The following CCDC60 variants were observed in gnomAD, a reference collection of about 807,000 sequenced individuals.
The protein encoded by CCDC60 is coiled-coil domain-containing protein 60.
Under a neutral mutation model 63.5 loss-of-function variants are expected in CCDC60, and 54 were observed. That is an observed-to-expected ratio of 0.85 (90% CI 0.68 to 1.07). CCDC60 has a LOEUF of 1.07. Among genes scored for constraint, CCDC60 ranks in the 50% least tolerant of loss-of-function variants. CCDC60 has a pLI of 0.00. For missense variants in CCDC60, 651 were observed against 684.3 expected (o/e 0.95, Z 0.54); for synonymous variants, 206 against 238.8 (o/e 0.86, Z 1.27).
intron 1 of CCDC60, among the ~76,000 whole-genome samples, chr12:119,355,505 T>C (rs1955707543): frequency 6.6e-6 from 1 of 152,200 alleles, no homozygotes; most frequent in African/African-American, 2.4e-5. Flanking sequence ...TCAAAACCCA[T>C]TTGCAGCACA....
intron 7 of CCDC60, among the ~76,000 whole-genome samples, chr12:119,507,600 A>T (rs1339661237): frequency 0.04 from 862 of 21,620 alleles, 79 homozygotes; most frequent in East Asian, 0.2. Flanking sequence ...ACATATATAT[A>T]TATATATATA....
At chr12:119,472,763 A>C (rs1951093825) in intron 3 of CCDC60, among the ~76,000 whole-genome samples, 1 of 151,560 alleles carries the variant, frequency 6.6e-6, no homozygotes. Flanking sequence ...TTGTATTTTT[A>C]ATAGAGACGG....
In CCDC60 at chr12:119,420,919, G is replaced by A. The variant is rs767245354; in HGVS notation, c.91-7764G>A. Among the ~76,000 whole-genome samples, 25 of 152,062 alleles carry A rather than the reference G, an allele frequency of 1.6e-4. No homozygotes were observed. The highest frequency in any genetic ancestry group is 2.6e-4 in the Non-Finnish European group (18 of 68,024). On this transcript the variant is annotated intron_variant, in intron 1 of 13. Coordinates refer to ENST00000327554, the MANE Select transcript of CCDC60 (RefSeq NM_178499.5). The surrounding 1 kb of genome is among the most constrained non-coding windows in gnomAD (Gnocchi z 4.1). ...CATCCGTGTGCAAGCTAAGGTCTCC[G>A]GGTTCATGTGTGTACTCCTGCCATG...
chr12:119,353,454 C>T (rs890412490), intron 1 of CCDC60, among the ~76,000 whole-genome samples: 1 of 150,514 alleles, frequency 6.6e-6, no homozygotes, highest in Non-Finnish European at 1.5e-5. Flanking sequence ...CTCTCTCTCT[C>T]TCTCACTCTC....
At position 119,420,258 on chromosome 12, in the gene CCDC60, A is replaced by G. The variant is rs1357707808; in HGVS notation, c.91-8425A>G. On this transcript the variant is annotated intron_variant, in intron 1 of 13. Coordinates refer to ENST00000327554, the MANE Select transcript of CCDC60 (RefSeq NM_178499.5). The surrounding 1 kb of genome is among the most constrained non-coding windows in gnomAD (Gnocchi z 4.1). ...GAGGTCACTAATTCTGGGTATCTCT[A>G]TGTGGGTAGGTACACATCTTACATT... 6.6e-6 allele frequency among the ~76,000 whole-genome samples: 1 copy of G among 152,058 alleles called. No homozygotes were observed. Among genetic ancestry groups the G allele is most frequent in the Non-Finnish European group, 1.5e-5 (1 of 68,016 alleles).
At position 119,335,041 on chromosome 12, in the gene CCDC60, T is replaced by C; in HGVS notation, c.-136T>C. On this transcript the variant is annotated 5_prime_UTR_variant, in exon 1 of 14. Transcript: ENST00000327554. ...CATTACTCTTCAGAAGGAAACCGCT[T>C]TGGAGTTCGTGTAATTGGGACTTGG... The C allele has an allele frequency of 1.5e-6, 1 of 653,726 alleles. No homozygotes were observed. The highest frequency in any genetic ancestry group is 2.6e-6 in the Non-Finnish European group (1 of 378,576). 40.5% of individuals were successfully genotyped at this position (653,726 alleles called of 1,614,324 possible).
intron 5 of CCDC60, among the ~76,000 whole-genome samples, chr12:119,498,176 G>A (rs1272626943): frequency 1.3e-5 from 2 of 152,224 alleles, no homozygotes; most frequent in African/African-American, 4.8e-5. Flanking sequence ...TCCATGCCAT[G>A]AGAAGTCAGC....
intron 11 of CCDC60, among the ~76,000 whole-genome samples, chr12:119,526,461 A>G (rs999332111): frequency 1.3e-5 from 2 of 152,240 alleles, no homozygotes; most frequent in Non-Finnish European, 2.9e-5. Context: ...GATGCTATCA[A>G]CCGAGTAAAC....
At chr12:119,475,232 G>T (rs758167301) in intron 3 of CCDC60, among the ~76,000 whole-genome samples, 6 of 152,182 alleles carry the variant, frequency 3.9e-5, no homozygotes, top group Non-Finnish European at 7.3e-5. Flanking sequence ...TTTTTCAGGA[G>T]CTATGCTCAG....
Position 119,479,160 on chromosome 12 carries a change from C to G in CCDC60, c.408C>G (p.Ile136Met), listed in dbSNP as rs762470910. 6 of 1,614,030 alleles carry G rather than the reference C, an allele frequency of 3.7e-6. No homozygotes were observed. The Admixed American group carries it at 8.3e-5, about 22-fold the overall frequency. The change falls in exon 4 of 14, where the codon ATC becomes ATG. Residue 136 changes from isoleucine to methionine, a missense_variant. Coordinates refer to ENST00000327554, the MANE Select transcript of CCDC60 (RefSeq NM_178499.5). ...TCACACGTCGCCCATTCACTCCCAT[C>G]CACAGCTGCATCATTTCTCCCTCGC... ...ARVTRRPFTPIHSCIISPSLT... is the reference protein window; with the variant it reads ...ARVTRRPFTPMHSCIISPSLT...
chr12:119,365,076 C>G (rs1955827773), intron 1 of CCDC60, among the ~76,000 whole-genome samples: 1 of 152,198 alleles, frequency 6.6e-6, no homozygotes, highest in Non-Finnish European at 1.5e-5. Context: ...CCTCAGAACA[C>G]CTGTGAGAAG....
At chr12:119,538,914 T>C (rs181433322) in intron 13 of CCDC60, among the ~76,000 whole-genome samples, 1 of 152,348 alleles carries the variant, frequency 6.6e-6, no homozygotes, top group African/African-American at 2.4e-5. Context: ...GCTATTCCTT[T>C]CTGTTTGTTA....
intron 1 of CCDC60, among the ~76,000 whole-genome samples, chr12:119,409,378 T>G (rs1435773707): frequency 6.6e-6 from 1 of 152,080 alleles, no homozygotes; most frequent in Non-Finnish European, 1.5e-5. Flanking sequence ...ACTTACTAGA[T>G]GCACCACCCC....
intron 1 of CCDC60, among the ~76,000 whole-genome samples, chr12:119,399,973 G>A (rs1050165096): frequency 2.6e-5 from 4 of 151,880 alleles, no homozygotes; most frequent in African/African-American, 7.3e-5. Context: ...CTATTTCAAG[G>A]TGAAAATGCT....
intron 1 of CCDC60, among the ~76,000 whole-genome samples, chr12:119,394,842 GCATA>G (rs1435863144): frequency 6.6e-6 from 1 of 152,204 alleles, no homozygotes; most frequent in Non-Finnish European, 1.5e-5. Context: ...AGGGGCAGAT[GCATA>G]AAACAAGTAA....
At chr12:119,498,058 T>C (rs981019439) in intron 5 of CCDC60, among the ~76,000 whole-genome samples, 3 of 152,190 alleles carry the variant, frequency 2.0e-5, no homozygotes, top group Non-Finnish European at 4.4e-5. Flanking sequence ...ATTTCTTGTG[T>C]GGTGGCTGTT....
At chr12:119,400,267 T>A (rs1956368199) in intron 1 of CCDC60, among the ~76,000 whole-genome samples, 1 of 152,216 alleles carries the variant, frequency 6.6e-6, no homozygotes, top group African/African-American at 2.4e-5. Flanking sequence ...GCCAGGATGG[T>A]CTCGATCTCC....
At chr12:119,352,968 T>C (rs1037901501) in intron 1 of CCDC60, among the ~76,000 whole-genome samples, 4 of 150,222 alleles carry the variant, frequency 2.7e-5, no homozygotes, top group Non-Finnish European at 6.0e-5. Flanking sequence ...TAAAAAAAAA[T>C]AAATAAATTC....
chr12:119,469,350 G>A (rs565299117), intron 2 of CCDC60, among the ~76,000 whole-genome samples: 22 of 152,182 alleles, frequency 1.4e-4, no homozygotes, highest in South Asian at 4.1e-4. Flanking sequence ...TGCAAACTCC[G>A]CCTCCCGGGT....
Sources: allele counts gnomAD v4.1 joint callset (sites outside exome capture counted in the v4.1 genomes callset), GRCh38; gene constraint gnomAD v4.1.1; non-coding constraint Gnocchi (gnomAD v3.1); transcripts MANE v1.5; gene names NCBI Gene and HGNC (gene_info 2026-07-23, HGNC 2026-07-21).